TBL1Y: variants seen among roughly 807,000 people sequenced by gnomAD.
TBL1Y encodes the protein F-box-like/WD repeat-containing protein TBL1Y.
In TBL1Y, 15 loss-of-function variants were observed where a neutral mutation model predicts 12.0. That is an observed-to-expected ratio of 1.25 (90% CI 0.83 to 1.92). TBL1Y has a LOEUF of 1.92. Ranked by LOEUF, TBL1Y falls within the 40% of genes most tolerant of loss-of-function variation. The pLI is 0.00. For synonymous variants in TBL1Y, 53 were observed against 42.6 expected (o/e 1.24, Z -0.95); for missense variants, 148 against 116.7 (o/e 1.27, Z -1.24).
intron 5 of TBL1Y, 23 bp downstream of exon 5, chrY:7,021,560 G>A: frequency 3.0e-5 from 1 of 33,447 alleles, no homozygotes; most frequent in South Asian, 6.8e-4. Context: ...GCATGCCATT[G>A]GATCCTTGTC....
At chrY:7,062,903 C>T (rs2012890131) in intron 7 of TBL1Y, among the ~76,000 whole-genome samples, 4 of 33,906 alleles carry the variant, frequency 1.2e-4, no homozygotes, top group African/African-American at 4.6e-4. Flanking sequence ...TCATCGTGGT[C>T]CCGACCACCA....
intron 2 of TBL1Y, among the ~76,000 whole-genome samples, chrY:6,942,854 T>C (rs2011961716): frequency 3.1e-5 from 1 of 32,373 alleles, no homozygotes; most frequent in African/African-American, 1.2e-4. Context: ...CAGTGGCTCA[T>C]GTCTGTAATC....
At chrY:6,989,803 AG>A (rs2012350343) in intron 3 of TBL1Y, among the ~76,000 whole-genome samples, 2 of 34,139 alleles carry the variant, frequency 5.9e-5, no homozygotes, top group Non-Finnish European at 1.5e-4. Flanking sequence ...ATTTGTATTA[AG>A]GGTAAAAATA....
At chrY:7,065,159 G>A (rs2012970690) in intron 8 of TBL1Y, among the ~76,000 whole-genome samples, 1 of 33,274 alleles carries the variant, frequency 3.0e-5, no homozygotes, top group Admixed American at 2.7e-4. Flanking sequence ...TGAATTGGCT[G>A]CATCCCCACC....
chrY:7,075,122 G>T (rs1042204565), intron 13 of TBL1Y, among the ~76,000 whole-genome samples: 2 of 32,866 alleles, frequency 6.1e-5, no homozygotes, highest in Non-Finnish European at 1.5e-4. Context: ...GAATGGGAGG[G>T]TAACCTCCAG....
intron 6 of TBL1Y, among the ~76,000 whole-genome samples, chrY:7,025,385 A>C: frequency 3.0e-5 from 1 of 33,771 alleles, no homozygotes; most frequent in South Asian, 6.7e-4. Flanking sequence ...ACCAATATAC[A>C]GAGCCAGTGG....
intron 7 of TBL1Y, among the ~76,000 whole-genome samples, chrY:7,062,545 C>G (rs2012879746): frequency 6.0e-5 from 2 of 33,509 alleles, no homozygotes; most frequent in African/African-American, 2.3e-4. Context: ...TTGTTACCAT[C>G]TTTATCCTCC....
intron 2 of TBL1Y, chrY:6,920,492 T>C (rs2011769261): frequency 2.9e-5 from 1 of 34,521 alleles, no homozygotes; most frequent in South Asian, 6.5e-4. Flanking sequence ...GAGAAGCTGT[T>C]AACCTGTGTT....
chrY:6,975,928 T>TGA (rs2012237519), intron 2 of TBL1Y, among the ~76,000 whole-genome samples: 8 of 31,128 alleles, frequency 2.6e-4, no homozygotes, highest in Admixed American at 1.8e-3. Context: ...TGTGTGTGTG[T>TGA]GAGTGTGTGT....
At chrY:7,043,628 T>G (rs2012741353) in intron 7 of TBL1Y, among the ~76,000 whole-genome samples, 2 of 33,635 alleles carry the variant, frequency 5.9e-5, no homozygotes, top group Non-Finnish European at 1.5e-4. Flanking sequence ...TGATGTGTTG[T>G]GTGTATACAT....
At chrY:6,916,459 GC>G (rs2011734663) in intron 2 of TBL1Y, among the ~76,000 whole-genome samples, 3 of 11,121 alleles carry the variant, frequency 2.7e-4, no homozygotes, top group African/African-American at 1.1e-3. Context: ...AAAAAAAAAA[GC>G]CTCTAATCCC....
At chrY:6,945,264 T>A (rs773115469) in intron 2 of TBL1Y, among the ~76,000 whole-genome samples, 1 of 26,015 alleles carries the variant, frequency 3.8e-5, no homozygotes, top group South Asian at 1.1e-3. Context: ...CTTCTTCCCT[T>A]TCCCCTTCCG....
chrY:7,064,497 G>A (rs772788095), intron 8 of TBL1Y, among the ~76,000 whole-genome samples: 1 of 33,485 alleles, frequency 3.0e-5, no homozygotes, highest in Admixed American at 2.7e-4. Flanking sequence ...GAGTGTTTTT[G>A]GCCAAATTGT....
intron 4 of TBL1Y, among the ~76,000 whole-genome samples, chrY:7,002,043 T>C: frequency 2.9e-5 from 1 of 34,179 alleles, no homozygotes; most frequent in Admixed American, 2.6e-4. Flanking sequence ...GAAAATGCAG[T>C]GTTCCAGGGA....
At chrY:6,975,524 T>C in intron 2 of TBL1Y, among the ~76,000 whole-genome samples, 1 of 33,059 alleles carries the variant, frequency 3.0e-5, no homozygotes, top group African/African-American at 1.2e-4. Flanking sequence ...TAGAGGAGAG[T>C]GCTGTGGCTT....
chrY:6,949,646 A>G (rs2012010943), intron 2 of TBL1Y, among the ~76,000 whole-genome samples: 1 of 33,669 alleles, frequency 3.0e-5, no homozygotes, highest in East Asian at 7.7e-4. Flanking sequence ...AAAGTACTAC[A>G]TACTGAATTT....
At chrY:7,031,465 G>C in intron 6 of TBL1Y, among the ~76,000 whole-genome samples, 1 of 32,941 alleles carries the variant, frequency 3.0e-5, no homozygotes, top group Non-Finnish European at 7.4e-5. Flanking sequence ...TGTTGGCCTG[G>C]CGTTTCATGG....
intron 2 of TBL1Y, among the ~76,000 whole-genome samples, chrY:6,961,381 A>G (rs2012125032): frequency 1.3e-4 from 4 of 31,436 alleles, no homozygotes; most frequent in African/African-American, 5.0e-4. Context: ...TTTTGATATC[A>G]CCATTTTCTT....
intron 4 of TBL1Y, among the ~76,000 whole-genome samples, chrY:7,017,810 T>C (rs745332613): frequency 1.7e-3 from 58 of 33,710 alleles, no homozygotes; most frequent in Admixed American, 4.1e-3. Flanking sequence ...GCAATAATTG[T>C]GTGAAGAATT....
Sources: gnomAD v4.1 joint callset for allele counts (sites outside exome capture counted in the v4.1 genomes callset) on GRCh38, gnomAD v4.1.1 for gene constraint, MANE v1.5 for transcripts, NCBI Gene and HGNC (gene_info 2026-07-23, HGNC 2026-07-21) for gene names.